The following PRKG1 variants were observed in gnomAD, a reference collection of about 807,000 sequenced individuals.
The protein encoded by PRKG1 is protein kinase cGMP-dependent 1, also known as cGMP-dependent protein kinase 1.
In PRKG1, 35 loss-of-function variants were observed where a neutral mutation model predicts 88.1. That is an observed-to-expected ratio of 0.40 (90% CI 0.30 to 0.53). The LOEUF (loss-of-function observed/expected upper bound fraction) is 0.53. Ranked by LOEUF, PRKG1 falls within the 20% of genes least tolerant of loss-of-function variation. PRKG1 has a pLI of 0.59. For synonymous variants in PRKG1, 303 were observed against 292.5 expected (o/e 1.04, Z -0.37); for missense variants, 540 against 839.8 (o/e 0.64, Z 4.41).
chr10:52,085,184 AC>A (rs1399531276), intron 7 of PRKG1, among the ~76,000 whole-genome samples: 1 of 152,016 alleles, frequency 6.6e-6, no homozygotes, highest in African/African-American at 2.4e-5. Context: ...TTCCCTTGCA[AC>A]TAATAAACAA....
At chr10:51,803,818 C>T (rs1839236469) in intron 3 of PRKG1, among the ~76,000 whole-genome samples, 1 of 152,074 alleles carries the variant, frequency 6.6e-6, no homozygotes, top group African/African-American at 2.4e-5. Flanking sequence ...CATATGCCAT[C>T]ACACCAATGT....
chr10:51,492,312 G>A (rs1191117160), intron 3 of PRKG1, among the ~76,000 whole-genome samples: 1 of 151,976 alleles, frequency 6.6e-6, no homozygotes, highest in Admixed American at 6.6e-5. Flanking sequence ...CTTTCTTATT[G>A]AAGAAAGAGC....
intron 9 of PRKG1, among the ~76,000 whole-genome samples, chr10:52,204,011 G>A (rs1271652080): frequency 1.3e-5 from 2 of 152,008 alleles, no homozygotes; most frequent in Admixed American, 6.6e-5. Flanking sequence ...CATTTAGCCT[G>A]TTTACATTCA....
At chr10:51,450,182 T>G (rs1481837336) in intron 2 of PRKG1, among the ~76,000 whole-genome samples, 1 of 151,980 alleles carries the variant, frequency 6.6e-6, no homozygotes, top group Non-Finnish European at 1.5e-5. Context: ...CCTATTAGGT[T>G]TCTTTATAAA....
At chr10:51,824,785 G>A (rs1457416506) in intron 4 of PRKG1, among the ~76,000 whole-genome samples, 1 of 151,954 alleles carries the variant, frequency 6.6e-6, no homozygotes, top group East Asian at 1.9e-4. Flanking sequence ...TGTCACGTGA[G>A]TTAACAGGGC....
At chr10:51,784,677 A>C (rs1403536797) in intron 3 of PRKG1, among the ~76,000 whole-genome samples, 1 of 152,114 alleles carries the variant, frequency 6.6e-6, no homozygotes, top group African/African-American at 2.4e-5. Context: ...CCCTTAGTCT[A>C]CATGCTTTAT....
chr10:52,034,052 C>A (rs920576161), intron 5 of PRKG1, among the ~76,000 whole-genome samples: 18 of 151,556 alleles, frequency 1.2e-4, no homozygotes, highest in African/African-American at 4.4e-4. Flanking sequence ...CAAGGACTGG[C>A]CATTTACACT....
chr10:51,690,305 A>G (rs1399160797), intron 3 of PRKG1, among the ~76,000 whole-genome samples: 2 of 152,218 alleles, frequency 1.3e-5, no homozygotes, highest in African/African-American at 4.8e-5. Flanking sequence ...TTATATTTCA[A>G]TATGAGATTT....
At chr10:52,095,542 T>C (rs1313543102) in intron 7 of PRKG1, among the ~76,000 whole-genome samples, 1 of 152,198 alleles carries the variant, frequency 6.6e-6, no homozygotes, top group East Asian at 1.9e-4. Flanking sequence ...GGCAGGGATC[T>C]TTGTCTCCTT....
intron 5 of PRKG1, among the ~76,000 whole-genome samples, chr10:51,940,113 A>G (rs1241738508): frequency 2.6e-5 from 4 of 151,986 alleles, no homozygotes; most frequent in South Asian, 2.1e-4. Context: ...TTTTAGCTCT[A>G]TTCTTTTTTT....
intron 2 of PRKG1, among the ~76,000 whole-genome samples, chr10:51,300,121 G>T (rs570090984): frequency 2.6e-5 from 4 of 152,294 alleles, no homozygotes; most frequent in Admixed American, 2.6e-4. Flanking sequence ...TTGTCTTTAT[G>T]AATTAAATGT....
chr10:51,494,357 A>G (rs563335335), intron 3 of PRKG1, among the ~76,000 whole-genome samples: 1 of 152,234 alleles, frequency 6.6e-6, no homozygotes, highest in Non-Finnish European at 1.5e-5. Context: ...AAAGAAAAAG[A>G]AAAAGGAGCT....
intron 4 of PRKG1, among the ~76,000 whole-genome samples, chr10:51,898,983 T>C (rs1404197918): frequency 6.6e-6 from 1 of 152,126 alleles, no homozygotes; most frequent in Admixed American, 6.5e-5. Context: ...AGAAAAAACA[T>C]AAGACTAATA....
chr10:51,744,270 T>A (rs1837521193), intron 3 of PRKG1, among the ~76,000 whole-genome samples: 1 of 152,138 alleles, frequency 6.6e-6, no homozygotes, highest in Admixed American at 6.5e-5. Context: ...GCACTGAATG[T>A]TGAGAAACGT....
intron 9 of PRKG1, among the ~76,000 whole-genome samples, chr10:52,221,446 T>A (rs1473657793): frequency 6.6e-6 from 1 of 151,440 alleles, no homozygotes; most frequent in Non-Finnish European, 1.5e-5. Context: ...AAACTTAGGG[T>A]TTTTTTACTA....
intron 4 of PRKG1, among the ~76,000 whole-genome samples, chr10:51,906,980 A>C: frequency 6.6e-6 from 1 of 152,154 alleles, no homozygotes; most frequent in Non-Finnish European, 1.5e-5. Flanking sequence ...TTTCTATTTT[A>C]AGACTTACAA....
intron 3 of PRKG1, among the ~76,000 whole-genome samples, chr10:51,685,289 A>T (rs1840959759): frequency 6.6e-6 from 1 of 152,180 alleles, no homozygotes; most frequent in Non-Finnish European, 1.5e-5. Context: ...ACTTAGGGCA[A>T]ATTAGTCAAC....
At chr10:52,106,112 T>C (rs1456699493) in intron 7 of PRKG1, among the ~76,000 whole-genome samples, 1 of 152,148 alleles carries the variant, frequency 6.6e-6, no homozygotes, top group Non-Finnish European at 1.5e-5. Context: ...AAAATAATAG[T>C]CTCCAACTCC....
chr10:51,394,395 G>C (rs1316323611), intron 2 of PRKG1, among the ~76,000 whole-genome samples: 1 of 152,178 alleles, frequency 6.6e-6, no homozygotes, highest in Non-Finnish European at 1.5e-5. Context: ...AGTGCCGCAA[G>C]AGCAAGTGTT....
Sources: gnomAD v4.1 joint callset for allele counts (sites outside exome capture counted in the v4.1 genomes callset) on GRCh38, gnomAD v4.1.1 for gene constraint, MANE v1.5 for transcripts, NCBI Gene and HGNC (gene_info 2026-07-23, HGNC 2026-07-21) for gene names.